ORC4: variants seen among roughly 807,000 people sequenced by gnomAD.
The protein encoded by ORC4 is origin recognition complex subunit 4, also known as origin recognition complex, subunit 4 homolog.
In ORC4, 55 loss-of-function variants were observed where a neutral mutation model predicts 63.9. The observed-to-expected ratio is 0.86, with a 90% confidence interval of 0.69 to 1.08. ORC4 has a LOEUF of 1.08. Among genes scored for constraint, ORC4 ranks in the 50% least tolerant of loss-of-function variants. The pLI, the probability that ORC4 is intolerant of heterozygous loss-of-function variation, is 0.00. For synonymous variants in ORC4, 150 were observed against 168.5 expected (o/e 0.89, Z 0.85); for missense variants, 511 against 504.4 (o/e 1.01, Z -0.13).
intron 1 of ORC4, among the ~76,000 whole-genome samples, chr2:147,993,003 G>A (rs1331949995): frequency 6.6e-6 from 1 of 152,132 alleles, no homozygotes; most frequent in Non-Finnish European, 1.5e-5. Flanking sequence ...TCCAGAAAGG[G>A]TGCTGTTCCA....
At chr2:147,939,578 A>T (rs1170954438) in intron 10 of ORC4, among the ~76,000 whole-genome samples, 1 of 152,158 alleles carries the variant, frequency 6.6e-6, no homozygotes, top group Non-Finnish European at 1.5e-5. Flanking sequence ...ACTTACTAAT[A>T]AAAGCCCCAA....
intron 4 of ORC4, chr2:147,960,422 T>C (rs1048013569): frequency 2.5e-6 from 2 of 800,726 alleles, no homozygotes; most frequent in Non-Finnish European, 3.0e-6. Context: ...TTTTCTTGAA[T>C]ATGTTATCAT....
chr2:147,949,639 A>G (rs1486656565), intron 8 of ORC4, among the ~76,000 whole-genome samples: 1 of 152,192 alleles, frequency 6.6e-6, no homozygotes, highest in East Asian at 1.9e-4. Context: ...TATAACAATT[A>G]TATTAGGGAA....
In ORC4 at chr2:147,973,440, A is replaced by T. The variant is rs767400018; in HGVS notation, c.134+8T>A. The stretch of plus-strand genomic sequence containing the variant: ...GTCCATAACAGTCAAGAGGACAGCT[A>T]GACTTACTTGTATTGTACTTGCACT... On this transcript the variant is annotated splice_region_variant and intron_variant, in intron 3 of 13. Transcript: ENST00000392857. 33 of 1,548,284 alleles carry T rather than the reference A, an allele frequency of 2.1e-5. No homozygotes were observed. Among genetic ancestry groups the T allele is most frequent in the Non-Finnish European group, 2.9e-5 (32 of 1,120,448 alleles).
intron 4 of ORC4, among the ~76,000 whole-genome samples, chr2:147,970,585 A>G (rs1690154433): frequency 6.8e-6 from 1 of 146,782 alleles, no homozygotes; most frequent in Non-Finnish European, 1.5e-5. Context: ...TGGATAAAAG[A>G]TAGTCTTTCT....
chr2:147,968,667 C>A (rs1184610371), intron 4 of ORC4, among the ~76,000 whole-genome samples: 1 of 151,902 alleles, frequency 6.6e-6, no homozygotes, highest in African/African-American at 2.4e-5. Context: ...AAAAAAGGAA[C>A]TTTTATACAC....
chr2:148,008,814 G>T (rs1487697502), intron 1 of ORC4, among the ~76,000 whole-genome samples: 1 of 152,124 alleles, frequency 6.6e-6, no homozygotes, highest in Non-Finnish European at 1.5e-5. Context: ...CCAAATGTGC[G>T]CTCACCATTG....
chr2:147,969,850 T>C (rs1267350822), intron 4 of ORC4, among the ~76,000 whole-genome samples: 1 of 152,016 alleles, frequency 6.6e-6, no homozygotes, highest in Non-Finnish European at 1.5e-5. Flanking sequence ...AGACATAGTC[T>C]ATGAATAACT....
Position 147,960,225 on chromosome 2 carries a change from C to A in ORC4, c.226-1359G>T, listed in dbSNP as rs1029001363. 6 of 982,672 alleles carry A rather than the reference C, an allele frequency of 6.1e-6. No homozygotes were observed. In the African/African-American group the frequency reaches 8.7e-5, roughly 14 times the overall value. 60.9% of individuals were successfully genotyped at this position (982,672 alleles called of 1,614,324 possible). ...AGAGTTGTAACAGATTTATAGCTTT[C>A]TTTCCACTCAACTTACTTTAAACAC... On this transcript the variant is annotated intron_variant, in intron 4 of 13. Coordinates refer to ENST00000392857, the MANE Select transcript of ORC4 (RefSeq NM_181741.4).
rs561445682 is a variant in ORC4 at position 147,949,468 on chromosome 2, C to T, written c.589-1244G>A. Among the ~76,000 whole-genome samples, 5 of 152,084 alleles carry T rather than the reference C, an allele frequency of 3.3e-5. No individual in the cohort carries two copies. In the East Asian group the frequency reaches 9.7e-4, roughly 29 times the overall value. On this transcript the variant is annotated intron_variant, in intron 8 of 13. Coordinates refer to ENST00000392857, the MANE Select transcript of ORC4 (RefSeq NM_181741.4). ...GGGGTGATCACTAAAAGGTACGTGG[C>T]TCTTAAACTGTGGTGATAAATGCAC...
chr2:147,938,405 G>T lies in ORC4; in HGVS notation c.959-12C>A. On this transcript the variant is annotated splice_polypyrimidine_tract_variant and intron_variant, in intron 11 of 13. Coordinates refer to ENST00000392857, the MANE Select transcript of ORC4 (RefSeq NM_181741.4). ...CAAGACTGATAGACCTACAGTAAAA[G>T]GGAAAAAAAACTATCAGTTTAATGA... The T allele has an allele frequency of 1.4e-6, 2 of 1,471,866 alleles. No homozygotes were observed. The highest frequency in any genetic ancestry group is 1.9e-6 in the Non-Finnish European group (2 of 1,052,946). The allele number at this position is 1,471,866 out of a possible 1,614,324, so 91.2% of individuals were successfully genotyped here.
chr2:148,006,326 T>C (rs1389542551), intron 1 of ORC4, among the ~76,000 whole-genome samples: 2 of 152,070 alleles, frequency 1.3e-5, no homozygotes, highest in Admixed American at 6.5e-5. Context: ...AGGAGAGTAA[T>C]TGGTTTTCAT....
Position 147,932,268 on chromosome 2 carries a change from A to G in ORC4, c.*3242T>C, listed in dbSNP as rs1687809756. ...TACAAGGGATGTGAAGGACCTCTTC[A>G]AGGAGAACTACAAGCTACTGCTCAA... On this transcript the variant is annotated 3_prime_UTR_variant, in exon 14 of 14. Coordinates refer to ENST00000392857, the MANE Select transcript of ORC4 (RefSeq NM_181741.4). 6.6e-6 allele frequency: 1 copy of G among 152,078 alleles called. No homozygotes were observed. Among genetic ancestry groups the G allele is most frequent in the South Asian group, 2.1e-4 (1 of 4,830 alleles). The allele number at this position is 152,078 out of a possible 1,614,324, so 9.4% of individuals were successfully genotyped here.
intron 4 of ORC4, among the ~76,000 whole-genome samples, chr2:147,972,230 C>T (rs1393234217): frequency 6.6e-6 from 1 of 151,956 alleles, no homozygotes; most frequent in African/African-American, 2.4e-5. Context: ...AAGATGTGAG[C>T]ATGCACTGAA....
At chr2:147,939,111 C>T in intron 11 of ORC4, 29 bp downstream of exon 11, 1 of 1,346,966 alleles carries the variant, frequency 7.4e-7, no homozygotes, top group Non-Finnish European at 1.1e-6. Flanking sequence ...TTAAAAACCA[C>T]AATTTAAAAA....
chr2:147,981,306 CA>C (rs1690872840), intron 1 of ORC4, among the ~76,000 whole-genome samples: 1 of 152,182 alleles, frequency 6.6e-6, no homozygotes, highest in Non-Finnish European at 1.5e-5. Flanking sequence ...CAATACACAG[CA>C]TGGATACGCT....
chr2:147,991,852 C>T (rs1335097023), intron 1 of ORC4, among the ~76,000 whole-genome samples: 1 of 152,072 alleles, frequency 6.6e-6, no homozygotes, highest in East Asian at 1.9e-4. Flanking sequence ...AAAGACATTA[C>T]TACAGTTGTT....
chr2:147,997,428 A>G (rs1692037352), intron 1 of ORC4, among the ~76,000 whole-genome samples: 2 of 152,200 alleles, frequency 1.3e-5, no homozygotes, highest in South Asian at 4.1e-4. Context: ...GAACATTTAT[A>G]TACCAAAGTA....
rs1690298616 is a variant in ORC4 at position 147,972,817 on chromosome 2, CTCACT to C, written c.142_146del (p.Ser48AlafsTer12). 6.2e-7 allele frequency: 1 copy of C among 1,607,226 alleles called. No individual in the cohort carries two copies. ...CATGGAGAGCAGTTCTTTTCAGCAG[CTCACT>C]TAAGTGTCTAAAATGATATAAATAG... On this transcript the variant is annotated frameshift_variant, in exon 4 of 14. Coordinates refer to ENST00000392857, the MANE Select transcript of ORC4 (RefSeq NM_181741.4). LOFTEE classifies it high-confidence loss of function.
Sources: gnomAD v4.1 joint callset for allele counts (sites outside exome capture counted in the v4.1 genomes callset) on GRCh38, gnomAD v4.1.1 for gene constraint, MANE v1.5 for transcripts, NCBI Gene and HGNC (gene_info 2026-07-23, HGNC 2026-07-21) for gene names.